NAMPT: variants seen among roughly 807,000 people sequenced by gnomAD.
NAMPT encodes NAmPRTase.
Under a neutral mutation model 58.7 loss-of-function variants are expected in NAMPT, and 7 were observed. The ratio of observed to expected loss-of-function variants is 0.12; its 90% CI spans 0.07 to 0.22. NAMPT has a LOEUF of 0.22. NAMPT is among the 10% of genes least tolerant of loss of function. NAMPT has a pLI of 1.00. For missense variants in NAMPT, 271 were observed against 567.9 expected (o/e 0.48, Z 5.31); for synonymous variants, 145 against 198.1 (o/e 0.73, Z 2.25).
At chr7:106,253,241 T>A in intron 9 of NAMPT, 90 bp from the exon 10 acceptor site, 1 of 1,424,048 alleles carries the variant, frequency 7.0e-7, no homozygotes, top group Non-Finnish European at 9.5e-7. Context: ...CATACATAAT[T>A]TACATTTAAG....
At position 106,269,219 on chromosome 7, in the gene NAMPT, C is replaced by T; in HGVS notation, c.541G>A (p.Gly181Ser). Residue 181 changes from glycine (G) to serine (S), a missense_variant, in exon 5 of 11, where the codon GGT (glycine) becomes AGT (serine). By Grantham distance (56) the Gly-to-Ser change is moderately conservative. Coordinates refer to ENST00000222553, the MANE Select transcript of NAMPT (RefSeq NM_005746.3). ...TTGTATTCCAGACCATCTAAGTTACCAGAAGTTTCTAACAAATATTTGGCC... is the reference window on the plus strand; with the variant it reads ...TTGTATTCCAGACCATCTAAGTTACTAGAAGTTTCTAACAAATATTTGGCC... ...ILAKYLLETS[G>S]NLDGLEYKLH... 2.5e-6 allele frequency: 4 copies of T among 1,613,396 alleles called. No individual in the cohort carries two copies. The highest frequency in any genetic ancestry group is 1.1e-5 in the South Asian group (1 of 90,954).
At chr7:106,267,856 A>AC (rs1562815920) in intron 6 of NAMPT, among the ~76,000 whole-genome samples, 7 of 121,068 alleles carry the variant, frequency 5.8e-5, no homozygotes, top group African/African-American at 2.2e-4. Flanking sequence ...AAAAAAAAAA[A>AC]AAAAAAAAAA....
intron 9 of NAMPT, 116 bp downstream of exon 9, chr7:106,254,245 CCAA>C (rs1792155327): frequency 9.0e-7 from 1 of 1,112,694 alleles, no homozygotes. Flanking sequence ...TCAGTAGTAC[CCAA>C]CAACATATTA....
At chr7:106,253,380 G>A in intron 9 of NAMPT, 2 of 458,290 alleles carry the variant, frequency 4.4e-6, no homozygotes, top group Middle Eastern at 6.1e-4. Context: ...TATCCTTTTT[G>A]CCACTGAAGA....
Position 106,279,211 on chromosome 7 carries a change from A to G in NAMPT, c.58-2032T>C, listed in dbSNP as rs560387150. Among the ~76,000 whole-genome samples, 8 of 152,358 alleles carry G rather than the reference A, an allele frequency of 5.3e-5. No individual in the cohort carries two copies. In the South Asian group the frequency reaches 1.7e-3, roughly 32 times the overall value. On this transcript the variant is annotated intron_variant, in intron 1 of 10. Coordinates refer to ENST00000222553, the MANE Select transcript of NAMPT (RefSeq NM_005746.3). The stretch of plus-strand genomic sequence containing the variant: ...CCTTCTCTGAAAACAAATACCATTT[A>G]AAATACAAAAATGTCTGAACTGCTT...
At chr7:106,277,230 A>G (rs372358080) in intron 1 of NAMPT, 51 bp from the exon 2 acceptor site, 2 of 1,436,068 alleles carry the variant, frequency 1.4e-6, no homozygotes, top group South Asian at 2.5e-5. Flanking sequence ...GTAGACTATA[A>G]ATCACAACAG....
intron 2 of NAMPT, chr7:106,276,534 C>T (rs1049031169): frequency 7.8e-5 from 12 of 153,384 alleles, no homozygotes; most frequent in African/African-American, 2.9e-4. Flanking sequence ...AATGACTTTT[C>T]TAAACTTATT....
chr7:106,278,932 T>C (rs1792702070), intron 1 of NAMPT, among the ~76,000 whole-genome samples: 1 of 152,230 alleles, frequency 6.6e-6, no homozygotes, highest in South Asian at 2.1e-4. Context: ...AGGTACTTAA[T>C]GATGCATTCT....
chr7:106,252,762 A>G lies in NAMPT; in HGVS notation c.1365+255T>C, dbSNP rs182625247. Among the ~76,000 whole-genome samples the G allele has an allele frequency of 1.9e-4, 29 of 152,262 alleles. No individual in the cohort carries two copies. In the East Asian group the frequency reaches 2.7e-3, roughly 14 times the overall value. On this transcript the variant is annotated intron_variant, in intron 10 of 10. Coordinates refer to ENST00000222553, the MANE Select transcript of NAMPT (RefSeq NM_005746.3). The stretch of plus-strand genomic sequence containing the variant: ...AAAGTAACATAGTTTGCTTTTGGAT[A>G]AAGTGTATACAAACTTGCTGTCAAT...
chr7:106,270,370 A>C (rs1323312830), intron 4 of NAMPT: 9 of 312,050 alleles, frequency 2.9e-5, no homozygotes, highest in Non-Finnish European at 5.7e-5. Context: ...TTACAAAGCA[A>C]GCTTTTACTG....
intron 8 of NAMPT, among the ~76,000 whole-genome samples, chr7:106,259,934 C>T (rs547897330): frequency 1.4e-5 from 2 of 143,674 alleles, no homozygotes; most frequent in East Asian, 4.1e-4. Flanking sequence ...TTAAAATACT[C>T]AGTACACTAT....
chr7:106,277,072 C>T lies in NAMPT; in HGVS notation c.165G>A (p.Glu55=), dbSNP rs1021022537. The T allele has an allele frequency of 3.1e-6, 5 of 1,602,118 alleles. No homozygotes were observed. Among genetic ancestry groups the T allele is most frequent in the Non-Finnish European group, 4.3e-6 (5 of 1,169,374 alleles). The part of the protein sequence containing the change: ...ENSKLRKVKY[E]ETVFYGLQYI... Reference sequence around the variant, plus strand: ...ACTGCAACCCATAAAATACTGTTTCCTCATATTTCACCTTCCTTAATTTGG... The same window carrying T: ...ACTGCAACCCATAAAATACTGTTTCTTCATATTTCACCTTCCTTAATTTGG... Residue 55 remains glutamate (E), a synonymous_variant, in exon 2 of 11, where the codon GAG becomes GAA. Coordinates refer to ENST00000222553, the MANE Select transcript of NAMPT (RefSeq NM_005746.3).
At chr7:106,285,258 C>T (rs1299795502), upstream of NAMPT, 7 of 860,638 alleles carry the variant, frequency 8.1e-6, no homozygotes, top group East Asian at 1.6e-4. Context: ...TCCTCCCAGA[C>T]GCCAGCTCTG....
chr7:106,250,160 G>A lies in NAMPT; in HGVS notation c.*923C>T, dbSNP rs1055067352. ...ATTCATTTAAGTCATACCAACTATA[G>A]AATATGAAAAATAAATTCAGAAGTG... On this transcript the variant is annotated 3_prime_UTR_variant, in exon 11 of 11. Coordinates refer to ENST00000222553, the MANE Select transcript of NAMPT (RefSeq NM_005746.3). 2 of 152,316 alleles carry A rather than the reference G, an allele frequency of 1.3e-5. No individual in the cohort carries two copies. The highest frequency in any genetic ancestry group is 4.8e-5 in the African/African-American group (2 of 41,358). 9.4% of individuals were successfully genotyped at this position (152,316 alleles called of 1,614,324 possible). A position where few individuals can be genotyped will look rare whatever the true frequency, so the allele number is the denominator to read the frequency against.
At chr7:106,274,421 G>A (rs1490705305) in intron 3 of NAMPT, among the ~76,000 whole-genome samples, 1 of 152,040 alleles carries the variant, frequency 6.6e-6, no homozygotes, top group Non-Finnish European at 1.5e-5. Flanking sequence ...TGCGGGGAGA[G>A]GGATAAAATG....
At chr7:106,261,949 A>G (rs1476131103) in intron 7 of NAMPT, among the ~76,000 whole-genome samples, 1 of 152,116 alleles carries the variant, frequency 6.6e-6, no homozygotes, top group Non-Finnish European at 1.5e-5. Flanking sequence ...AAGTGGCTCA[A>G]AACAAGTTTT....
chr7:106,268,657 A>G, intron 5 of NAMPT, 57 bp from the exon 6 acceptor site: 2 of 1,260,922 alleles, frequency 1.6e-6, no homozygotes, highest in Non-Finnish European at 2.3e-6. Flanking sequence ...CATTAATAAT[A>G]CCAGGATGCA....
At chr7:106,278,340 CT>C (rs1157201437) in intron 1 of NAMPT, among the ~76,000 whole-genome samples, 11 of 152,052 alleles carry the variant, frequency 7.2e-5, no homozygotes, top group Non-Finnish European at 1.5e-5. Flanking sequence ...AAAATAGCCC[CT>C]AATGCAGCAC....
chr7:106,268,256 C>A, intron 6 of NAMPT: 1 of 412,440 alleles, frequency 2.4e-6, no homozygotes, highest in East Asian at 4.0e-5. Flanking sequence ...GAAAAAAGCT[C>A]TTAAACTGTT....
Sources: gnomAD v4.1 joint callset for allele counts (sites outside exome capture counted in the v4.1 genomes callset) on GRCh38, gnomAD v4.1.1 for gene constraint, MANE v1.5 for transcripts, NCBI Gene and HGNC (gene_info 2026-07-23, HGNC 2026-07-21) for gene names.